Variants in PARVA observed in about 807,000 individuals in gnomAD.
PARVA encodes parvin alpha, also known as alpha-parvin.
Under a neutral mutation model 52.6 loss-of-function variants are expected in PARVA, and 25 were observed. The observed-to-expected ratio is 0.48, with a 90% CI of 0.35 to 0.66. The LOEUF is 0.66. Ranked by LOEUF, PARVA falls within the 30% of genes least tolerant of loss-of-function variation. The pLI is 0.01. For synonymous variants in PARVA, 185 were observed against 179.1 expected (o/e 1.03, Z -0.26); for missense variants, 373 against 450.9 (o/e 0.83, Z 1.56).
At chr11:12,396,030 C>T (rs1158256359) in intron 1 of PARVA, among the ~76,000 whole-genome samples, 2 of 152,164 alleles carry the variant, frequency 1.3e-5, no homozygotes, top group Non-Finnish European at 2.9e-5. Context: ...GTATACGTAT[C>T]CAACATATGT....
chr11:12,520,918 C>T (rs1052456322), intron 12 of PARVA, among the ~76,000 whole-genome samples: 4 of 152,070 alleles, frequency 2.6e-5, no homozygotes, highest in African/African-American at 7.2e-5. Context: ...GCCTGGGCAA[C>T]AAAGTGAGAC....
intron 10 of PARVA, among the ~76,000 whole-genome samples, chr11:12,515,832 G>A (rs1941560923): frequency 6.6e-6 from 1 of 152,080 alleles, no homozygotes. Flanking sequence ...TAGAAGCTGG[G>A]AGGAGCTACC....
At chr11:12,514,486 C>G (rs73413906) in intron 10 of PARVA, among the ~76,000 whole-genome samples, 4,704 of 152,208 alleles carry the variant, frequency 0.031, 259 homozygotes, top group African/African-American at 0.11. Flanking sequence ...TTTTTGTTTT[C>G]TGTTTTGTTT....
intron 1 of PARVA, among the ~76,000 whole-genome samples, chr11:12,434,388 G>A (rs1018827097): frequency 2.6e-5 from 4 of 152,106 alleles, no homozygotes; most frequent in African/African-American, 4.8e-5. Context: ...AGTACTTTTC[G>A]TACTTACCAG....
chr11:12,428,283 C>G (rs954739669), intron 1 of PARVA, among the ~76,000 whole-genome samples: 3 of 152,164 alleles, frequency 2.0e-5, no homozygotes, highest in Admixed American at 2.0e-4. Context: ...CAGGCCACTT[C>G]AGCTTCCTTT....
At chr11:12,478,093 C>A in intron 4 of PARVA, 144 bp downstream of exon 4, 1 of 725,532 alleles carries the variant, frequency 1.4e-6, no homozygotes, top group East Asian at 2.6e-5. Flanking sequence ...AATAACAGCT[C>A]AGTGAAGGCT....
intron 11 of PARVA, 27 bp from the exon 12 acceptor site, chr11:12,518,417 TA>T: frequency 1.3e-6 from 2 of 1,584,124 alleles, no homozygotes; most frequent in Non-Finnish European, 1.7e-6. Context: ...TGTGCAATGG[TA>T]CATGCTGTCT....
chr11:12,457,451 C>T (rs1453459526), intron 1 of PARVA, among the ~76,000 whole-genome samples: 1 of 152,192 alleles, frequency 6.6e-6, no homozygotes, highest in African/African-American at 2.4e-5. Context: ...AGCAAAAATG[C>T]TTCACAGTCA....
intron 5 of PARVA, among the ~76,000 whole-genome samples, chr11:12,503,666 C>T (rs1024443691): frequency 6.6e-6 from 1 of 151,876 alleles, no homozygotes; most frequent in African/African-American, 2.4e-5. Context: ...CCTAGGAGTT[C>T]GAGGCTGCAG....
intron 4 of PARVA, among the ~76,000 whole-genome samples, chr11:12,495,035 A>G (rs1243622311): frequency 1.3e-5 from 2 of 152,252 alleles, no homozygotes; most frequent in African/African-American, 4.8e-5. Flanking sequence ...AAAGTGAAAG[A>G]AAATAACTTG....
intron 7 of PARVA, 101 bp from the exon 8 acceptor site, chr11:12,511,413 G>T: frequency 7.9e-7 from 1 of 1,271,240 alleles, no homozygotes. Flanking sequence ...CAGGCAGCAT[G>T]GGGTGGGCTT....
intron 1 of PARVA, among the ~76,000 whole-genome samples, chr11:12,403,265 C>G (rs534294209): frequency 6.6e-6 from 1 of 152,338 alleles, no homozygotes; most frequent in South Asian, 2.1e-4. Context: ...GAGAAGGAAT[C>G]TTCTTGTTTT....
intron 1 of PARVA, among the ~76,000 whole-genome samples, chr11:12,382,617 G>C (rs551847537): frequency 7.4e-4 from 112 of 152,234 alleles, no homozygotes; most frequent in Non-Finnish European, 1.3e-3. Context: ...AGTCTCATAA[G>C]AATGCACTCA....
chr11:12,484,732 G>A (rs1233471186), intron 4 of PARVA, among the ~76,000 whole-genome samples: 6 of 151,816 alleles, frequency 4.0e-5, no homozygotes, highest in Non-Finnish European at 8.8e-5. Context: ...TAGTATACAG[G>A]TCTGTAAGAG....
chr11:12,444,616 T>A (rs994306462), intron 1 of PARVA, among the ~76,000 whole-genome samples: 2 of 152,002 alleles, frequency 1.3e-5, no homozygotes, highest in South Asian at 4.2e-4. Context: ...AGCTATTTTT[T>A]AAATTTTTTT....
rs376979016 is a variant in PARVA, at chr11:12,517,624, G to A, written c.882G>A (p.Val294=). 10 of 1,598,116 alleles carry A rather than the reference G, an allele frequency of 6.3e-6. No homozygotes were observed. The highest frequency in any genetic ancestry group is 5.3e-5 in the African/African-American group (4 of 74,824). Residue 294 remains valine, a synonymous_variant, in exon 11 of 13, where the codon GTG becomes GTA. Coordinates refer to ENST00000334956, the MANE Select transcript of PARVA (RefSeq NM_018222.5). ...TELETQFADG[V]YLVLLMGLLE... is the part of the protein sequence containing the mutation. ...TCTTCCTCCAGTTTGCAGATGGGGT[G>A]TACCTGGTGCTGCTCATGGGGCTCC...
At chr11:12,510,866 C>G (rs527981232) in intron 7 of PARVA, among the ~76,000 whole-genome samples, 2 of 152,240 alleles carry the variant, frequency 1.3e-5, no homozygotes, top group Admixed American at 6.5e-5. Flanking sequence ...AGGGACACAG[C>G]CAAACCATAT....
rs867718385 is a variant in PARVA at position 12,528,989 on chromosome 11, A to G, written c.*1064A>G. 5 of 152,792 alleles carry G rather than the reference A, an allele frequency of 3.3e-5. No homozygotes were observed. Among genetic ancestry groups the G allele is most frequent in the South Asian group, 4.1e-4 (2 of 4,828 alleles). 9.5% of individuals were successfully genotyped at this position (152,792 alleles called of 1,614,324 possible). ...TTCATTATCGTTAAGCAAATGTACA[A>G]TATGCTCAGGCACCGCAGAGAGCTG... On this transcript the variant is annotated 3_prime_UTR_variant, in exon 13 of 13. Transcript: ENST00000334956.
At chr11:12,410,203 G>T (rs956035591) in intron 1 of PARVA, among the ~76,000 whole-genome samples, 1 of 152,232 alleles carries the variant, frequency 6.6e-6, no homozygotes. Context: ...CCAGGCCCCC[G>T]GGACTGCAGG....
Sources: allele counts gnomAD v4.1 joint callset (sites outside exome capture counted in the v4.1 genomes callset), GRCh38; gene constraint gnomAD v4.1.1; transcripts MANE v1.5; gene names NCBI Gene and HGNC (gene_info 2026-07-23, HGNC 2026-07-21).